The following CFAP43 variants were observed in gnomAD, a reference collection of about 807,000 sequenced individuals.
CFAP43 encodes the protein cilia- and flagella-associated protein 43.
CFAP43 carries 155 observed loss-of-function variants against 218.9 expected under a neutral mutation model. The ratio of observed to expected loss-of-function variants is 0.71; its 90% confidence interval spans 0.62 to 0.81. The LOEUF is 0.81. Ranked by LOEUF, CFAP43 falls within the 30% of genes least tolerant of loss-of-function variation. The pLI, the probability that CFAP43 is intolerant of heterozygous loss-of-function variation, is 0.00. For missense variants in CFAP43, 1,778 were observed against 1,954.3 expected, an observed-to-expected ratio of 0.91 and a Z score of 1.70; for synonymous variants, 645 against 681.3, an observed-to-expected ratio of 0.95 and a Z score of 0.83.
intron 3 of CFAP43, among the ~76,000 whole-genome samples, chr10:104,221,672 T>C (rs1297798425): frequency 2.6e-5 from 4 of 152,348 alleles, no homozygotes; most frequent in African/African-American, 9.6e-5. Flanking sequence ...CCAGCTTCTT[T>C]TGTTTTCCTG....
intron 3 of CFAP43, among the ~76,000 whole-genome samples, chr10:104,218,212 G>C (rs2091071948): frequency 6.6e-6 from 1 of 151,744 alleles, no homozygotes. Context: ...GCTGGGCGTG[G>C]TGGCGGGTGC....
chr10:104,167,680 C>CTTT lies in CFAP43; in HGVS notation c.2748_2749insAAA (p.Glu916_Glu917insLys). On this transcript the variant is annotated inframe_insertion, in exon 22 of 38. Transcript: ENST00000357060. ...AAAACTCTTTCCAATTCTTTCAGCT[C>CTTT]TTCAACCGTGCGCGCTTTCATCGGG... 1.2e-6 allele frequency: 2 copies of CTTT among 1,612,656 alleles called. No individual in the cohort carries two copies. Among genetic ancestry groups the CTTT allele is most frequent in the Non-Finnish European group, 1.7e-6 (2 of 1,179,648 alleles).
At chr10:104,161,515 TCCTG>T (rs1259714605) in intron 26 of CFAP43, among the ~76,000 whole-genome samples, 3 of 152,236 alleles carry the variant, frequency 2.0e-5, no homozygotes, top group Admixed American at 2.0e-4. Context: ...GAAACAGTAT[TCCTG>T]CCTTCAATAG....
chr10:104,217,782 TG>T, intron 3 of CFAP43, among the ~76,000 whole-genome samples: 1 of 152,230 alleles, frequency 6.6e-6, no homozygotes, highest in East Asian at 1.9e-4. Context: ...TTAAGTGTTC[TG>T]GGTAAAATGG....
chr10:104,185,082 G>C lies in CFAP43; in HGVS notation c.2075C>G (p.Ser692Ter). ...CACCAGAATGTTTTGTCCATCCATT[G>C]AAATTCTCATTGACTGAATCCCATG... ...QGHGIQSMRI[S>*]MDGQNILVNG... is the part of the protein sequence containing the mutation. The change falls in exon 16 of 38, where the codon TCA becomes TGA. Residue 692 changes from serine to a stop codon, truncating the protein, a stop_gained. Coordinates refer to ENST00000357060, the MANE Select transcript of CFAP43 (RefSeq NM_025145.7). LOFTEE classifies it high-confidence loss of function. The C allele has an allele frequency of 1.2e-6, 2 of 1,614,100 alleles. No individual in the cohort carries two copies. Among genetic ancestry groups the C allele is most frequent in the Non-Finnish European group, 1.7e-6 (2 of 1,179,998 alleles).
chr10:104,221,686 G>C (rs998410806), intron 3 of CFAP43, among the ~76,000 whole-genome samples: 3 of 152,174 alleles, frequency 2.0e-5, no homozygotes, highest in African/African-American at 7.2e-5. Context: ...TTTCCTGCTG[G>C]TTCCATTATT....
chr10:104,136,751 C>T (rs1445014718), intron 34 of CFAP43, among the ~76,000 whole-genome samples: 2 of 152,058 alleles, frequency 1.3e-5, no homozygotes, highest in African/African-American at 4.8e-5. Context: ...GTTTAATGTC[C>T]AGAACATATA....
At chr10:104,146,566 G>T (rs1339664070) in intron 29 of CFAP43, among the ~76,000 whole-genome samples, 1 of 152,204 alleles carries the variant, frequency 6.6e-6, no homozygotes, top group Non-Finnish European at 1.5e-5. Flanking sequence ...CCAACTCTGT[G>T]TATGAGTGTG....
intron 8 of CFAP43, among the ~76,000 whole-genome samples, chr10:104,198,943 G>A (rs1024600395): frequency 1.2e-4 from 19 of 152,130 alleles, no homozygotes; most frequent in African/African-American, 2.9e-4. Flanking sequence ...GAGCCACCAC[G>A]CCTGGTCTCC....
intron 2 of CFAP43, among the ~76,000 whole-genome samples, chr10:104,229,287 T>C (rs1182178695): frequency 1.3e-5 from 2 of 152,170 alleles, no homozygotes; most frequent in African/African-American, 4.8e-5. Context: ...CATGGGGTGT[T>C]AAATGAAGGA....
chr10:104,191,754 T>C (rs1221038096), intron 12 of CFAP43, among the ~76,000 whole-genome samples: 1 of 144,868 alleles, frequency 6.9e-6, no homozygotes, highest in Non-Finnish European at 1.5e-5. Flanking sequence ...AAAAAAAATT[T>C]TTTTTAAGGA....
At chr10:104,216,648 C>T (rs1351679829) in intron 3 of CFAP43, among the ~76,000 whole-genome samples, 1 of 152,170 alleles carries the variant, frequency 6.6e-6, no homozygotes, top group Non-Finnish European at 1.5e-5. Flanking sequence ...CTCCTCTCCC[C>T]TTCCCCACCC....
intron 3 of CFAP43, among the ~76,000 whole-genome samples, chr10:104,223,097 T>C (rs752048124): frequency 1.3e-5 from 2 of 152,182 alleles, no homozygotes; most frequent in Non-Finnish European, 1.5e-5. Flanking sequence ...AAACAGGTGG[T>C]GGGCCAGATT....
chr10:104,153,948 A>G (rs1315410866), intron 27 of CFAP43, among the ~76,000 whole-genome samples: 1 of 152,126 alleles, frequency 6.6e-6, no homozygotes, highest in Non-Finnish European at 1.5e-5. Context: ...TCAATTGTAC[A>G]CCCAGGTTAC....
chr10:104,188,795 C>T (rs1317232193), intron 12 of CFAP43, among the ~76,000 whole-genome samples: 1 of 152,166 alleles, frequency 6.6e-6, no homozygotes, highest in Admixed American at 6.5e-5. Context: ...TAGGCATCGG[C>T]CTTCTTTGCA....
intron 20 of CFAP43, among the ~76,000 whole-genome samples, chr10:104,171,806 C>T (rs2089424677): frequency 6.6e-6 from 1 of 152,214 alleles, no homozygotes; most frequent in Non-Finnish European, 1.5e-5. Flanking sequence ...ATGCTTTTCT[C>T]TACACTGGAC....
chr10:104,131,888 C>G (rs1344338821), intron 36 of CFAP43, among the ~76,000 whole-genome samples: 2 of 152,160 alleles, frequency 1.3e-5, no homozygotes, highest in Non-Finnish European at 2.9e-5. Flanking sequence ...CACTTACACT[C>G]AGATATGTCC....
At chr10:104,148,430 T>A (rs1438617629) in intron 28 of CFAP43, among the ~76,000 whole-genome samples, 1 of 152,210 alleles carries the variant, frequency 6.6e-6, no homozygotes, top group African/African-American at 2.4e-5. Context: ...TATAATGCTG[T>A]AGTTTGGATA....
chr10:104,215,712 C>T (rs2090994705), intron 3 of CFAP43, among the ~76,000 whole-genome samples: 1 of 152,120 alleles, frequency 6.6e-6, no homozygotes, highest in Non-Finnish European at 1.5e-5. Flanking sequence ...AAATATTCTC[C>T]CCTCTCCCGA....
Sources: gnomAD v4.1 joint callset for allele counts (sites outside exome capture counted in the v4.1 genomes callset) on GRCh38, gnomAD v4.1.1 for gene constraint, MANE v1.5 for transcripts, NCBI Gene and HGNC (gene_info 2026-07-23, HGNC 2026-07-21) for gene names.